MTHFD2L: variants seen among roughly 807,000 people sequenced by gnomAD.
The protein encoded by MTHFD2L is bifunctional methylenetetrahydrofolate dehydrogenase/cyclohydrolase 2, mitochondrial.
Under a neutral mutation model 34.9 loss-of-function variants are expected in MTHFD2L, and 29 were observed. That is an observed-to-expected ratio of 0.83 (90% CI 0.62 to 1.13). The LOEUF (loss-of-function observed/expected upper bound fraction) is 1.13, where lower values mean the gene tolerates loss of function less well. MTHFD2L is among the 50% of genes most tolerant of loss of function. The pLI is 0.00. For missense variants in MTHFD2L, 481 were observed against 446.5 expected (o/e 1.08, Z -0.70); for synonymous variants, 167 against 155.7 (o/e 1.07, Z -0.54).
upstream of MTHFD2L, chr4:74,156,518 A>G (rs1284234227): frequency 6.6e-6 from 1 of 152,212 alleles, no homozygotes; most frequent in East Asian, 1.9e-4. Flanking sequence ...TGCTATAAAC[A>G]TTCATATGGT....
intron 5 of MTHFD2L, among the ~76,000 whole-genome samples, chr4:74,208,072 A>G (rs1009366121): frequency 6.6e-6 from 1 of 152,120 alleles, no homozygotes; most frequent in African/African-American, 2.4e-5. Context: ...TAACTGGGAC[A>G]GGGGATGGCA....
intron 3 of MTHFD2L, among the ~76,000 whole-genome samples, chr4:74,184,271 G>T (rs891693834): frequency 6.6e-6 from 1 of 152,130 alleles, no homozygotes; most frequent in African/African-American, 2.4e-5. Flanking sequence ...ACTGTATGTT[G>T]CTTACATGAA....
chr4:74,224,146 A>G (rs981217619), intron 5 of MTHFD2L: 3 of 152,062 alleles, frequency 2.0e-5, no homozygotes, highest in African/African-American at 4.8e-5. Context: ...TAGCCCCTCT[A>G]TGTAAGTGTG....
At chr4:74,261,576 G>A (rs909500302) in intron 6 of MTHFD2L, among the ~76,000 whole-genome samples, 2 of 151,994 alleles carry the variant, frequency 1.3e-5, no homozygotes, top group African/African-American at 4.8e-5. Context: ...CCATCCAAAG[G>A]CTCATGATTT....
chr4:74,128,720 T>C (rs1402818722), intron 1 of MTHFD2L, among the ~76,000 whole-genome samples: 1 of 152,086 alleles, frequency 6.6e-6, no homozygotes, highest in African/African-American at 2.4e-5. Flanking sequence ...TGTGTGGTTC[T>C]ATGTAAATTT....
intron 1 of MTHFD2L, chr4:74,164,808 C>A: frequency 6.0e-6 from 1 of 165,534 alleles, no homozygotes; most frequent in Non-Finnish European, 1.2e-5. Flanking sequence ...TACTCACTAG[C>A]CACCACCTCC....
In MTHFD2L at chr4:74,160,198, C is replaced by T. The variant is rs969085182; in HGVS notation, c.143+1917C>T. ...CATAGTTAATGTGGTTTAAGTCTGA[C>T]ATCTTTTCTTTTGCCATGAAATTTA... On this transcript the variant is annotated intron_variant, in intron 1 of 7. Transcript: ENST00000325278. The T allele has an allele frequency of 1.6e-5, 14 of 857,428 alleles. No individual in the cohort carries two copies. The East Asian group carries it at 7.5e-4, about 46-fold the overall frequency. The allele number at this position is 857,428 out of a possible 1,614,324, so 53.1% of individuals were successfully genotyped here. A position where few individuals can be genotyped will look rare whatever the true frequency, so the allele number is the denominator to read the frequency against.
chr4:74,283,034 T>C (rs1747700785), intron 7 of MTHFD2L, among the ~76,000 whole-genome samples: 1 of 152,206 alleles, frequency 6.6e-6, no homozygotes, highest in Admixed American at 6.6e-5. Context: ...GTCATTCTGT[T>C]TCTTGATAAC....
At chr4:74,138,599 G>A (rs1398950064) in intron 1 of MTHFD2L, among the ~76,000 whole-genome samples, 1 of 152,158 alleles carries the variant, frequency 6.6e-6, no homozygotes, top group Non-Finnish European at 1.5e-5. Context: ...GAGCGGCAAT[G>A]GGAACCTCGC....
chr4:74,196,595 CT>C (rs969983706), intron 3 of MTHFD2L, among the ~76,000 whole-genome samples: 4 of 151,252 alleles, frequency 2.6e-5, no homozygotes, highest in Non-Finnish European at 4.4e-5. Context: ...TTGTTTGTTC[CT>C]TTTTTTTTCT....
At chr4:74,216,187 C>G (rs1472565552) in intron 5 of MTHFD2L, among the ~76,000 whole-genome samples, 1 of 151,724 alleles carries the variant, frequency 6.6e-6, no homozygotes, top group African/African-American at 2.4e-5. Flanking sequence ...CATTTAAGCA[C>G]AGATTAAAGC....
At chr4:74,135,612 C>T (rs1383058780) in intron 1 of MTHFD2L, among the ~76,000 whole-genome samples, 1 of 151,954 alleles carries the variant, frequency 6.6e-6, no homozygotes, top group African/African-American at 2.4e-5. Context: ...TACTTCAAAA[C>T]GATTAAAGAG....
intron 1 of MTHFD2L, among the ~76,000 whole-genome samples, chr4:74,152,098 T>A (rs1723975406): frequency 6.6e-6 from 1 of 152,134 alleles, no homozygotes; most frequent in Non-Finnish European, 1.5e-5. Flanking sequence ...TATAATACCA[T>A]CAAATTATAT....
At chr4:74,197,440 T>C (rs912699005) in intron 3 of MTHFD2L, among the ~76,000 whole-genome samples, 2 of 152,192 alleles carry the variant, frequency 1.3e-5, no homozygotes, top group African/African-American at 4.8e-5. Flanking sequence ...TAGACAAGTA[T>C]TACTTAATCT....
Position 74,164,896 on chromosome 4 carries a change from G to A in MTHFD2L, c.143+6615G>A. The A allele has an allele frequency of 4.6e-6, 4 of 860,270 alleles. No homozygotes were observed. The South Asian group carries it at 2.1e-4, about 46-fold the overall frequency. 53.3% of individuals were successfully genotyped at this position (860,270 alleles called of 1,614,324 possible). On this transcript the variant is annotated intron_variant, in intron 1 of 7. Coordinates refer to ENST00000325278, the MANE Select transcript of MTHFD2L (RefSeq NM_001144978.3). Reference sequence around the variant, plus strand: ...GTAGGCTGGGCTTTTGGAAGGGAGGGCACCTTTTCTTGCCTTTAGGGGAAG... The same window carrying A: ...GTAGGCTGGGCTTTTGGAAGGGAGGACACCTTTTCTTGCCTTTAGGGGAAG...
chr4:74,276,132 GA>G (rs2110260486), intron 6 of MTHFD2L, among the ~76,000 whole-genome samples: 1 of 152,238 alleles, frequency 6.6e-6, no homozygotes, highest in Admixed American at 6.5e-5. Context: ...TGGATACAAA[GA>G]GAGGGTTTTG....
At chr4:74,125,664 T>C (rs1255030287) in intron 1 of MTHFD2L, 1 of 152,162 alleles carries the variant, frequency 6.6e-6, no homozygotes, top group African/African-American at 2.4e-5. Flanking sequence ...AAAAGCTTTT[T>C]TTTCAATGAT....
chr4:74,149,298 A>T (rs906829505), intron 1 of MTHFD2L, among the ~76,000 whole-genome samples: 1 of 151,874 alleles, frequency 6.6e-6, no homozygotes, highest in Non-Finnish European at 1.5e-5. Context: ...TATTTGAAAT[A>T]CCTACAGTGT....
At chr4:74,138,308 T>C (rs1056690417) in intron 1 of MTHFD2L, among the ~76,000 whole-genome samples, 1 of 151,362 alleles carries the variant, frequency 6.6e-6, no homozygotes, top group Non-Finnish European at 1.5e-5. Context: ...TACAGGCGGG[T>C]CTTTGTTGTT....
Sources: allele counts gnomAD v4.1 joint callset (sites outside exome capture counted in the v4.1 genomes callset), GRCh38; gene constraint gnomAD v4.1.1; transcripts MANE v1.5; gene names NCBI Gene and HGNC (gene_info 2026-07-23, HGNC 2026-07-21).